The following PITPNC1 variants were observed in gnomAD, a reference collection of about 807,000 sequenced individuals.
PITPNC1 encodes cytoplasmic phosphatidylinositol transfer protein 1.
In PITPNC1, 18 loss-of-function variants were observed where a neutral mutation model predicts 44.7. The observed-to-expected ratio is 0.40, with a 90% CI of 0.28 to 0.60. PITPNC1 has a LOEUF of 0.60. Ranked by LOEUF, PITPNC1 falls within the 20% of genes least tolerant of loss-of-function variation. PITPNC1 has a pLI of 0.39. For missense variants in PITPNC1, 290 were observed against 418.4 expected (o/e 0.69, Z 2.68); for synonymous variants, 141 against 149.6 (o/e 0.94, Z 0.42).
intron 1 of PITPNC1, among the ~76,000 whole-genome samples, chr17:67,485,314 G>A (rs1329664427): frequency 6.6e-6 from 1 of 151,646 alleles, no homozygotes; most frequent in East Asian, 1.9e-4. Context: ...TTGCACTAGG[G>A]TATCTGCTAG....
At chr17:67,598,113 T>C (rs2041483829) in intron 5 of PITPNC1, among the ~76,000 whole-genome samples, 1 of 152,016 alleles carries the variant, frequency 6.6e-6, no homozygotes, top group Admixed American at 6.5e-5. Context: ...TTCCAGCTAC[T>C]TGGGAGGCTG....
At chr17:67,480,266 T>C (rs2039684651) in intron 1 of PITPNC1, among the ~76,000 whole-genome samples, 1 of 152,194 alleles carries the variant, frequency 6.6e-6, no homozygotes, top group African/African-American at 2.4e-5. Context: ...GAATGTAGGC[T>C]TGTAAATATC....
intron 1 of PITPNC1, among the ~76,000 whole-genome samples, chr17:67,468,400 C>CT (rs139820910): frequency 0.34 from 40,681 of 119,842 alleles, 8,492 homozygotes; most frequent in East Asian, 0.62. Flanking sequence ...GCTTTCTTTC[C>CT]TTTTTTTTTT....
At chr17:67,396,932 G>T (rs1159230399) in intron 1 of PITPNC1, among the ~76,000 whole-genome samples, 1 of 152,158 alleles carries the variant, frequency 6.6e-6, no homozygotes, top group East Asian at 1.9e-4. Flanking sequence ...TGGGATTACA[G>T]GTATAAGCCA....
At chr17:67,636,727 G>T (rs1031578190) in intron 6 of PITPNC1, among the ~76,000 whole-genome samples, 1 of 152,194 alleles carries the variant, frequency 6.6e-6, no homozygotes, top group Admixed American at 6.5e-5. Flanking sequence ...AGGAAGAGGG[G>T]TGAGTTTCCT....
At chr17:67,581,203 C>G (rs1159489486) in intron 5 of PITPNC1, among the ~76,000 whole-genome samples, 1 of 152,196 alleles carries the variant, frequency 6.6e-6, no homozygotes, top group Non-Finnish European at 1.5e-5. Context: ...GGCAGGTGCT[C>G]AGGTTTTTTG....
intron 6 of PITPNC1, among the ~76,000 whole-genome samples, chr17:67,652,323 C>T (rs779313114): frequency 2.6e-5 from 4 of 152,146 alleles, no homozygotes; most frequent in Admixed American, 6.5e-5. Context: ...CTATCCAAAA[C>T]GAGGACGCAG....
intron 1 of PITPNC1, among the ~76,000 whole-genome samples, chr17:67,495,037 G>GTTCTTTTTTTTTT (rs2039925221): frequency 1.3e-5 from 1 of 79,376 alleles, no homozygotes; most frequent in Non-Finnish European, 2.4e-5. Flanking sequence ...GAGCCATGGA[G>GTTCTTTTTTTTTT]TTGTTTTTTT....
chr17:67,494,311 TG>T (rs1877147750), intron 1 of PITPNC1, among the ~76,000 whole-genome samples: 1 of 151,804 alleles, frequency 6.6e-6, no homozygotes, highest in Non-Finnish European at 1.5e-5. Context: ...AGCAATTCTC[TG>T]CCTCAGCCTC....
chr17:67,561,216 G>C (rs2040902555), intron 4 of PITPNC1, among the ~76,000 whole-genome samples: 1 of 152,202 alleles, frequency 6.6e-6, no homozygotes, highest in Non-Finnish European at 1.5e-5. Context: ...AACACTCTGG[G>C]AGGCCGAGGC....
chr17:67,648,908 C>T (rs117941087), intron 6 of PITPNC1, among the ~76,000 whole-genome samples: 3,085 of 152,314 alleles, frequency 0.02, 48 homozygotes, highest in Non-Finnish European at 0.029. Context: ...AATCCCAGCA[C>T]TTTGGGAGGC....
At chr17:67,618,131 CG>C (rs1171688713) in intron 5 of PITPNC1, among the ~76,000 whole-genome samples, 1 of 151,934 alleles carries the variant, frequency 6.6e-6, no homozygotes, top group African/African-American at 2.4e-5. Flanking sequence ...GAGACCAAGG[CG>C]GGGGGTGGAT....
chr17:67,399,008 CTTTTTTT>C (rs34059580), intron 1 of PITPNC1, among the ~76,000 whole-genome samples: 2 of 88,490 alleles, frequency 2.3e-5, no homozygotes, highest in African/African-American at 1.0e-4. Flanking sequence ...AGAGGATCAG[CTTTTTTT>C]TTTTTTTTTT....
At chr17:67,451,118 G>A (rs1161698919) in intron 1 of PITPNC1, among the ~76,000 whole-genome samples, 5 of 151,992 alleles carry the variant, frequency 3.3e-5, no homozygotes, top group African/African-American at 9.7e-5. Flanking sequence ...TGCAACTTCC[G>A]CCTCCTGGGT....
chr17:67,415,027 G>A (rs2038566987), intron 1 of PITPNC1, among the ~76,000 whole-genome samples: 2 of 152,090 alleles, frequency 1.3e-5, no homozygotes, highest in African/African-American at 4.8e-5. Context: ...CTACAGGTGT[G>A]TGCCACGAGG....
chr17:67,592,105 G>A (rs1598860892), intron 5 of PITPNC1, among the ~76,000 whole-genome samples: 1 of 152,142 alleles, frequency 6.6e-6, no homozygotes, highest in East Asian at 1.9e-4. Flanking sequence ...CAGACAGTGT[G>A]TCTAAACTGA....
chr17:67,653,992 G>A (rs1190663925), intron 6 of PITPNC1, among the ~76,000 whole-genome samples: 1 of 152,176 alleles, frequency 6.6e-6, no homozygotes, highest in Non-Finnish European at 1.5e-5. Context: ...TTCAAGGAGG[G>A]CCCCCTGCTT....
At chr17:67,668,292 C>T (rs184644004) in intron 6 of PITPNC1, among the ~76,000 whole-genome samples, 3 of 152,310 alleles carry the variant, frequency 2.0e-5, no homozygotes, top group Non-Finnish European at 4.4e-5. Flanking sequence ...GAGTTGTACA[C>T]GTTTTTGCAT....
chr17:67,609,287 CCT>C, intron 5 of PITPNC1, among the ~76,000 whole-genome samples: 6 of 129,836 alleles, frequency 4.6e-5, no homozygotes, highest in African/African-American at 1.3e-4. Context: ...TCTTCTTCTT[CCT>C]TTTTTTTTTT....
Sources: allele counts gnomAD v4.1 joint callset (sites outside exome capture counted in the v4.1 genomes callset), GRCh38; gene constraint gnomAD v4.1.1; transcripts MANE v1.5; gene names NCBI Gene and HGNC (gene_info 2026-07-23, HGNC 2026-07-21).